Variants in CELF1 observed in about 807,000 individuals in gnomAD.
The protein encoded by CELF1 is 50 kDa nuclear polyadenylated RNA-binding protein.
A neutral mutation model predicts 61.8 loss-of-function variants in CELF1; 10 were observed. The ratio of observed to expected loss-of-function variants is 0.16; its 90% CI spans 0.10 to 0.27. The LOEUF (loss-of-function observed/expected upper bound fraction) is 0.27, where lower values mean the gene tolerates loss of function less well. Among genes scored for constraint, CELF1 ranks in the 10% least tolerant of loss-of-function variants. The pLI is 1.00. For synonymous variants in CELF1, 236 were observed against 225.1 expected (o/e 1.05, Z -0.43); for missense variants, 380 against 639.1 (o/e 0.59, Z 4.37).
At chr11:47,503,565 G>A (rs1370208126) in intron 1 of CELF1, among the ~76,000 whole-genome samples, 1 of 152,092 alleles carries the variant, frequency 6.6e-6, no homozygotes, top group African/African-American at 2.4e-5. Context: ...AAAATCTAGG[G>A]AATGGTTATA....
chr11:47,493,506 TC>T (rs2092356887), intron 3 of CELF1, among the ~76,000 whole-genome samples: 1 of 80,576 alleles, frequency 1.2e-5, no homozygotes, highest in African/African-American at 5.8e-5. Context: ...AGACTCCATC[TC>T]AAAAAGAAAA....
chr11:47,514,467 A>C (rs1005790359), intron 1 of CELF1, among the ~76,000 whole-genome samples: 19 of 152,138 alleles, frequency 1.2e-4, no homozygotes, highest in Non-Finnish European at 4.4e-5. Context: ...CCATGAGTAT[A>C]TAAGCACCTA....
At chr11:47,511,090 G>A (rs2095114004) in intron 1 of CELF1, among the ~76,000 whole-genome samples, 1 of 152,290 alleles carries the variant, frequency 6.6e-6, no homozygotes, top group South Asian at 2.1e-4. Context: ...GGAAGGCTGA[G>A]GTGGGAGGAT....
At chr11:47,480,376 C>G (rs561481235) in intron 9 of CELF1, among the ~76,000 whole-genome samples, 1 of 152,132 alleles carries the variant, frequency 6.6e-6, no homozygotes, top group Non-Finnish European at 1.5e-5. Flanking sequence ...CATAAGCCAC[C>G]GCGCCTGGCC....
chr11:47,484,260 AG>A (rs1240382832), intron 7 of CELF1, 128 bp downstream of exon 7: 2 of 913,844 alleles, frequency 2.2e-6, no homozygotes, highest in African/African-American at 3.4e-5. Context: ...GGCTGCAGTG[AG>A]TTGTGAAGGC....
chr11:47,549,421 A>G (rs1484376115), intron 1 of CELF1, among the ~76,000 whole-genome samples: 1 of 152,204 alleles, frequency 6.6e-6, no homozygotes, highest in South Asian at 2.1e-4. Flanking sequence ...GCTGCAACCC[A>G]AAAGTCCATT....
At chr11:47,492,166 G>A (rs772092464) in intron 3 of CELF1, among the ~76,000 whole-genome samples, 6 of 152,070 alleles carry the variant, frequency 3.9e-5, no homozygotes, top group African/African-American at 7.2e-5. Context: ...TTTTTGTAGA[G>A]AGAGGGTCTC....
In CELF1 at chr11:47,475,355, A is replaced by G. The variant is rs2079550102; in HGVS notation, c.1254T>C (p.Ala418=). The G allele has an allele frequency of 6.2e-7, 1 of 1,613,832 alleles. No individual in the cohort carries two copies. The highest frequency in any genetic ancestry group is 8.5e-7 in the Non-Finnish European group (1 of 1,180,012). ...QNLLTQQSIG[A]AGSQKEGPEG... is the part of the protein sequence containing the mutation. Reference sequence around the variant, plus strand: ...ACTCACCTTCCTTCTGGCTTCCAGCAGCACCAATACTCTGCTGTGTCAGAA... The same window carrying G: ...ACTCACCTTCCTTCTGGCTTCCAGCGGCACCAATACTCTGCTGTGTCAGAA... Residue 418 remains alanine (A), a synonymous_variant, in exon 13 of 15, where the codon GCT becomes GCC. Transcript: ENST00000687097.
chr11:47,518,594 T>C (rs1018766030), intron 1 of CELF1, among the ~76,000 whole-genome samples: 1 of 152,228 alleles, frequency 6.6e-6, no homozygotes, highest in Admixed American at 6.5e-5. Flanking sequence ...TTTCTCACAC[T>C]GTAATATCTT....
chr11:47,519,479 C>CTAAATAAA (rs59610157), intron 1 of CELF1, among the ~76,000 whole-genome samples: 507 of 145,022 alleles, frequency 3.5e-3, no homozygotes, highest in African/African-American at 5.2e-3. Flanking sequence ...GACTCCATCT[C>CTAAATAAA]TAAATAAATA....
chr11:47,488,287 C>A (rs1370760735), intron 4 of CELF1, among the ~76,000 whole-genome samples: 1 of 152,206 alleles, frequency 6.6e-6, no homozygotes, highest in Admixed American at 6.5e-5. Context: ...GAAGCAGCTC[C>A]GCCTTTCCTC....
At chr11:47,543,784 C>A (rs11605061) in intron 1 of CELF1, among the ~76,000 whole-genome samples, 2 of 152,168 alleles carry the variant, frequency 1.3e-5, no homozygotes, top group South Asian at 4.1e-4. Context: ...AAGCTGTTTT[C>A]GGCAAATAAG....
At chr11:47,512,696 G>T (rs2095292158) in intron 1 of CELF1, among the ~76,000 whole-genome samples, 2 of 152,134 alleles carry the variant, frequency 1.3e-5, no homozygotes, top group Admixed American at 1.3e-4. Flanking sequence ...CTTGGGAAAA[G>T]TATATTCTCT....
At chr11:47,544,956 C>G (rs1300080063) in intron 1 of CELF1, among the ~76,000 whole-genome samples, 1 of 151,932 alleles carries the variant, frequency 6.6e-6, no homozygotes, top group Non-Finnish European at 1.5e-5. Flanking sequence ...CAGTGACACT[C>G]ACTCTCAAAA....
At chr11:47,495,972 A>C in intron 3 of CELF1, 1 of 985,340 alleles carries the variant, frequency 1.0e-6, no homozygotes, top group Non-Finnish European at 1.2e-6. Context: ...GCAGGCAAAA[A>C]TACTTGTTGC....
intron 12 of CELF1, 79 bp downstream of exon 12, chr11:47,476,767 C>A: frequency 9.0e-7 from 1 of 1,109,688 alleles, no homozygotes; most frequent in Non-Finnish European, 1.4e-6. Context: ...TGCAATCATT[C>A]CAGTGGTGCC....
At chr11:47,562,673 G>A (rs1012379243) in intron 2 of CELF1, among the ~76,000 whole-genome samples, 2 of 151,812 alleles carry the variant, frequency 1.3e-5, no homozygotes, top group Admixed American at 1.3e-4. Context: ...GATTGTTTGA[G>A]CCCAGGAGTT....
intron 1 of CELF1, among the ~76,000 whole-genome samples, chr11:47,551,746 C>T (rs2097142683): frequency 6.6e-6 from 1 of 152,170 alleles, no homozygotes; most frequent in South Asian, 2.1e-4. Context: ...GGGGCGGTGG[C>T]TCACGCCTGT....
rs1555170253 is a variant in CELF1, at chr11:47,489,935, G to GTTTTTGTT, written c.72-912_72-911insAACAAAAA. 6.2e-5 allele frequency among the ~76,000 whole-genome samples: 3 copies of GTTTTTGTT among 48,236 alleles called. 1 individual carries two copies. Among genetic ancestry groups the GTTTTTGTT allele is most frequent in the African/African-American group, 2.3e-4 (3 of 12,860 alleles). 31.6% of individuals were successfully genotyped at this position (48,236 alleles called of 152,430 possible). A position where few individuals can be genotyped will look rare whatever the true frequency, so the allele number is the denominator to read the frequency against. On this transcript the variant is annotated intron_variant, in intron 3 of 14. Transcript: ENST00000687097. The stretch of plus-strand genomic sequence containing the variant: ...GTTTCCACTCAGAACATACCATCTT[G>GTTTTTGTT]TTTTTTTTTTTTTTTTTTTTGAGAC...
Sources: gnomAD v4.1 joint callset for allele counts (sites outside exome capture counted in the v4.1 genomes callset) on GRCh38, gnomAD v4.1.1 for gene constraint, MANE v1.5 for transcripts, NCBI Gene and HGNC (gene_info 2026-07-23, HGNC 2026-07-21) for gene names.